Variants in MGMT observed in about 807,000 individuals in gnomAD.
MGMT encodes the protein methylated-DNA--protein-cysteine methyltransferase.
MGMT carries 14 observed loss-of-function variants against 15.9 expected under a neutral mutation model. The ratio of observed to expected loss-of-function variants is 0.88; its 90% CI spans 0.58 to 1.37. The LOEUF (loss-of-function observed/expected upper bound fraction) is 1.37, where lower values mean the gene tolerates loss of function less well. Among genes scored for constraint, MGMT ranks in the 40% most tolerant of loss-of-function variants. The pLI is 0.00. For missense variants in MGMT, 282 were observed against 268.1 expected (o/e 1.05, Z -0.36); for synonymous variants, 130 against 118.2 (o/e 1.10, Z -0.65).
At chr10:129,577,307 A>G (rs1249641336) in intron 2 of MGMT, among the ~76,000 whole-genome samples, 1 of 151,744 alleles carries the variant, frequency 6.6e-6, no homozygotes, top group Non-Finnish European at 1.5e-5. Context: ...TACAGTAACC[A>G]AAACAGCATG....
intron 2 of MGMT, among the ~76,000 whole-genome samples, chr10:129,594,857 C>G (rs1201484702): frequency 6.6e-6 from 1 of 152,200 alleles, no homozygotes; most frequent in East Asian, 1.9e-4. Flanking sequence ...ATGTAATATT[C>G]CCCTGCGAGT....
intron 2 of MGMT, among the ~76,000 whole-genome samples, chr10:129,687,778 A>G (rs1847922250): frequency 6.6e-6 from 1 of 150,434 alleles, no homozygotes; most frequent in South Asian, 2.1e-4. Context: ...TACATGTGCC[A>G]TGTTGGTGTG....
chr10:129,759,591 A>T (rs2133185576), intron 4 of MGMT, among the ~76,000 whole-genome samples: 1 of 152,230 alleles, frequency 6.6e-6, no homozygotes, highest in East Asian at 1.9e-4. Context: ...TGGTTGTCAC[A>T]GTGAGCAGGA....
chr10:129,706,187 C>T (rs189208300), intron 2 of MGMT, among the ~76,000 whole-genome samples: 40 of 152,322 alleles, frequency 2.6e-4, no homozygotes, highest in Middle Eastern at 3.4e-3. Context: ...TCTCAGTCCC[C>T]GAGGCCTCCA....
intron 1 of MGMT, among the ~76,000 whole-genome samples, chr10:129,517,497 G>A (rs1845751582): frequency 1.3e-5 from 2 of 152,180 alleles, no homozygotes; most frequent in Non-Finnish European, 2.9e-5. Context: ...CTCTACCTCG[G>A]TTTACCTTTT....
At chr10:129,607,533 G>A (rs779334792) in intron 2 of MGMT, among the ~76,000 whole-genome samples, 13 of 152,118 alleles carry the variant, frequency 8.5e-5, no homozygotes, top group South Asian at 2.1e-4. Context: ...CCACTGTGCC[G>A]CACAGCATGT....
chr10:129,680,584 C>A lies in MGMT; in HGVS notation c.126-27311C>A, dbSNP rs1234822601. ...CCCACCACTCCTTAAGACATCCAGG[C>A]GTGGAAGGGAAGATTCAGGAAGGTT... On this transcript the variant is annotated intron_variant, in intron 2 of 4. Transcript: ENST00000651593. Among the ~76,000 whole-genome samples the A allele has an allele frequency of 2.2e-5, 3 of 139,450 alleles. No individual in the cohort carries two copies. In the South Asian group the frequency reaches 6.7e-4, roughly 31 times the overall value. 91.5% of individuals were successfully genotyped at this position (139,450 alleles called of 152,430 possible).
At chr10:129,578,785 T>C (rs993521647) in intron 2 of MGMT, among the ~76,000 whole-genome samples, 1 of 152,212 alleles carries the variant, frequency 6.6e-6, no homozygotes, top group African/African-American at 2.4e-5. Context: ...TTTCCTTTAT[T>C]TTTCCTTCCT....
intron 2 of MGMT, among the ~76,000 whole-genome samples, chr10:129,570,144 C>T (rs1175181175): frequency 6.6e-6 from 1 of 152,256 alleles, no homozygotes; most frequent in Non-Finnish European, 1.5e-5. Context: ...CACATTTGCA[C>T]ACTGACATTG....
chr10:129,647,077 C>T (rs377571372), intron 2 of MGMT, among the ~76,000 whole-genome samples: 24 of 152,062 alleles, frequency 1.6e-4, no homozygotes, highest in African/African-American at 4.8e-4. Context: ...TCTGGAAGTC[C>T]GTGTCTCTGC....
chr10:129,522,575 G>A (rs1445673954), intron 1 of MGMT, among the ~76,000 whole-genome samples: 3 of 152,238 alleles, frequency 2.0e-5, no homozygotes, highest in Non-Finnish European at 4.4e-5. Flanking sequence ...ATATCATTAA[G>A]TGGGTCACAT....
At chr10:129,765,874 C>T (rs3793913) in intron 4 of MGMT, among the ~76,000 whole-genome samples, 34,966 of 152,132 alleles carry the variant, frequency 0.23, 4,881 homozygotes, top group Admixed American at 0.35. Context: ...GGCCACAGCA[C>T]CTGCCCCCAC....
intron 3 of MGMT, among the ~76,000 whole-genome samples, chr10:129,719,664 T>G (rs778501020): frequency 9.2e-5 from 14 of 152,124 alleles, no homozygotes; most frequent in Admixed American, 2.0e-4. Flanking sequence ...TCAGATGGGA[T>G]TAGGGCTACC....
chr10:129,582,021 A>G (rs946609091), intron 2 of MGMT, among the ~76,000 whole-genome samples: 1 of 152,214 alleles, frequency 6.6e-6, no homozygotes, highest in South Asian at 2.1e-4. Context: ...CACGTGGGCC[A>G]GCCTCTGTGG....
chr10:129,744,959 T>G (rs1318629738), intron 3 of MGMT, among the ~76,000 whole-genome samples: 1 of 152,148 alleles, frequency 6.6e-6, no homozygotes, highest in Non-Finnish European at 1.5e-5. Context: ...ATGTCTACTC[T>G]AGGTCATCCA....
intron 3 of MGMT, among the ~76,000 whole-genome samples, chr10:129,749,220 T>C (rs1383879743): frequency 6.6e-6 from 1 of 152,192 alleles, no homozygotes; most frequent in African/African-American, 2.4e-5. Context: ...ATATCATGTT[T>C]TCACCATTAC....
At chr10:129,574,593 A>G (rs146951361) in intron 2 of MGMT, among the ~76,000 whole-genome samples, 127 of 152,278 alleles carry the variant, frequency 8.3e-4, no homozygotes, top group African/African-American at 2.4e-3. Context: ...TTGTAGACAG[A>G]CCTGGGTTCA....
chr10:129,594,047 T>C (rs1023921919), intron 2 of MGMT, among the ~76,000 whole-genome samples: 21 of 152,208 alleles, frequency 1.4e-4, no homozygotes, highest in African/African-American at 4.8e-4. Flanking sequence ...AAGTCACAGT[T>C]GGCAAGTCCC....
chr10:129,593,225 G>T (rs374490013), intron 2 of MGMT, among the ~76,000 whole-genome samples: 41 of 152,364 alleles, frequency 2.7e-4, no homozygotes, highest in African/African-American at 9.6e-4. Context: ...CAGCTCCTGC[G>T]CAGTGGGCGC....
Sources: gnomAD v4.1 joint callset for allele counts (sites outside exome capture counted in the v4.1 genomes callset) on GRCh38, gnomAD v4.1.1 for gene constraint, MANE v1.5 for transcripts, NCBI Gene and HGNC (gene_info 2026-07-23, HGNC 2026-07-21) for gene names.